Variants in PDZRN3 observed in about 807,000 individuals in gnomAD.
PDZRN3 encodes the protein PDZ domain containing ring finger 3.
In PDZRN3, 38 loss-of-function variants were observed where a neutral mutation model predicts 85.7. The observed-to-expected ratio is 0.44, with a 90% confidence interval of 0.34 to 0.58. The LOEUF is 0.58. Ranked by LOEUF, PDZRN3 falls within the 20% of genes least tolerant of loss-of-function variation. The pLI is 0.01. For synonymous variants in PDZRN3, 759 were observed against 638.0 expected, an observed-to-expected ratio of 1.19 and a Z score of -2.86; for missense variants, 1,629 against 1,506.4, an observed-to-expected ratio of 1.08 and a Z score of -1.35.
chr3:73,476,857 G>C lies in PDZRN3; in HGVS notation c.919-72462C>G, dbSNP rs145661425. Among the ~76,000 whole-genome samples the C allele has an allele frequency of 1.9e-4, 29 of 152,310 alleles. No homozygotes were observed. In the East Asian group the frequency reaches 2.9e-3, roughly 15 times the overall value. On this transcript the variant is annotated intron_variant, in intron 3 of 9. Transcript: ENST00000263666. Reference sequence around the variant, plus strand: ...CCCTCAGCTGAGCCTTCAGATGACTGCAGTACCAGTAGACAGCTTGACTGC... The same window carrying C: ...CCCTCAGCTGAGCCTTCAGATGACTCCAGTACCAGTAGACAGCTTGACTGC...
In PDZRN3 at chr3:73,624,787, G is replaced by T; in HGVS notation, c.39C>A (p.Asp13Glu). 3 of 1,408,568 alleles carry T rather than the reference G, an allele frequency of 2.1e-6. No individual in the cohort carries two copies. Among genetic ancestry groups the T allele is most frequent in the Non-Finnish European group, 2.8e-6 (3 of 1,084,064 alleles). The allele number at this position is 1,408,568 out of a possible 1,614,324, so 87.3% of individuals were successfully genotyped here. The change falls in exon 1 of 10, where the codon GAC becomes GAA. Residue 13 changes from aspartate to glutamate, a missense_variant. Asp to Glu is a conservative substitution (Grantham distance 45). Coordinates refer to ENST00000263666, the MANE Select transcript of PDZRN3 (RefSeq NM_015009.3). Reference protein sequence around the residue: ...FELDRFDGDVDPDLKCALCHK... With the variant: ...FELDRFDGDVEPDLKCALCHK... Reference sequence around the variant, plus strand: ...GGCACAGCGCGCACTTCAGGTCCGGGTCCACGTCGCCGTCGAAGCGGTCCA... The same window carrying T: ...GGCACAGCGCGCACTTCAGGTCCGGTTCCACGTCGCCGTCGAAGCGGTCCA...
Position 73,447,602 on chromosome 3 carries a change from C to T in PDZRN3, c.919-43207G>A, listed in dbSNP as rs773014987. 3.3e-5 allele frequency among the ~76,000 whole-genome samples: 5 copies of T among 152,292 alleles called. No homozygotes were observed. The East Asian group carries it at 5.8e-4, about 18-fold the overall frequency. On this transcript the variant is annotated intron_variant, in intron 3 of 9. Coordinates refer to ENST00000263666, the MANE Select transcript of PDZRN3 (RefSeq NM_015009.3). ...GGGGTCATAATGACCTCCCAATTGCCGCAACCAAGAGCTTGTTGTAAGTCC... is the reference window on the plus strand; with the variant it reads ...GGGGTCATAATGACCTCCCAATTGCTGCAACCAAGAGCTTGTTGTAAGTCC...
At chr3:73,508,621 A>C (rs1704110254) in intron 3 of PDZRN3, among the ~76,000 whole-genome samples, 1 of 152,176 alleles carries the variant, frequency 6.6e-6, no homozygotes, top group African/African-American at 2.4e-5. Flanking sequence ...AGGAAGCCTT[A>C]ATTTCCAACC....
intron 3 of PDZRN3, among the ~76,000 whole-genome samples, chr3:73,456,354 C>T (rs1321103647): frequency 6.6e-6 from 1 of 152,164 alleles, no homozygotes; most frequent in African/African-American, 2.4e-5. Context: ...TTCATTTTAG[C>T]CTTGCTCATC....
chr3:73,444,321 T>A (rs1421938443), intron 3 of PDZRN3, among the ~76,000 whole-genome samples: 1 of 152,190 alleles, frequency 6.6e-6, no homozygotes, highest in Non-Finnish European at 1.5e-5. Context: ...TTTGCTGCCA[T>A]CTGCACTGTG....
intron 3 of PDZRN3, among the ~76,000 whole-genome samples, chr3:73,585,509 C>G (rs781763147): frequency 4.6e-5 from 7 of 152,170 alleles, no homozygotes; most frequent in Non-Finnish European, 8.8e-5. Context: ...GAAGACCTTT[C>G]TCAAGGCCTT....
chr3:73,600,329 A>ACTCTCTCT (rs1702495983), intron 3 of PDZRN3, among the ~76,000 whole-genome samples: 1 of 96,388 alleles, frequency 1.0e-5, no homozygotes, highest in African/African-American at 4.5e-5. Context: ...ACACACACAC[A>ACTCTCTCT]CACACACACT....
chr3:73,404,445 G>A (rs771019896), intron 3 of PDZRN3, 50 bp from the exon 4 acceptor site: 5 of 1,560,742 alleles, frequency 3.2e-6, no homozygotes, highest in East Asian at 2.3e-5. Flanking sequence ...AGCAGAAAAC[G>A]GAAGGACAAA....
chr3:73,514,337 G>T (rs1380309900), intron 3 of PDZRN3, among the ~76,000 whole-genome samples: 1 of 152,164 alleles, frequency 6.6e-6, no homozygotes, highest in Admixed American at 6.5e-5. Flanking sequence ...TACGCAAATG[G>T]ACTATAATGT....
At position 73,384,563 on chromosome 3, in the gene PDZRN3, C is replaced by A; in HGVS notation, c.2003G>T (p.Ser668Ile). The A allele has an allele frequency of 6.2e-7, 1 of 1,613,682 alleles. No homozygotes were observed. The highest frequency in any genetic ancestry group is 8.5e-7 in the Non-Finnish European group (1 of 1,180,030). Residue 668 changes from serine to isoleucine, a missense_variant, in exon 10 of 10, where the codon AGC becomes ATC. Ser to Ile is a moderately radical substitution (Grantham distance 142, BLOSUM62 -2). Transcript: ENST00000263666. ...ACTCTTGCCGGCGTCCAGGGGGCCG[C>A]TAGGGTAGTACAGGCCGTAAGGGGT... The part of the protein sequence containing the change: ...SATPYGLYYP[S>I]GPLDAGKSDP...
intron 6 of PDZRN3, among the ~76,000 whole-genome samples, 180 bp from the exon 7 acceptor site, chr3:73,390,058 G>A (rs1701488438): frequency 6.6e-6 from 1 of 152,148 alleles, no homozygotes; most frequent in African/African-American, 2.4e-5. Context: ...CTGCTTCTAA[G>A]CCCTTTCTAG....
At chr3:73,530,867 T>A (rs1704636714) in intron 3 of PDZRN3, among the ~76,000 whole-genome samples, 1 of 152,228 alleles carries the variant, frequency 6.6e-6, no homozygotes. Context: ...TAGCAGGTTA[T>A]GAAGATCAGA....
At chr3:73,508,691 T>G (rs2106701659) in intron 3 of PDZRN3, among the ~76,000 whole-genome samples, 1 of 152,342 alleles carries the variant, frequency 6.6e-6, no homozygotes, top group East Asian at 1.9e-4. Flanking sequence ...TAACTATAAA[T>G]GTAAACAGGG....
chr3:73,533,611 T>C (rs570122065), intron 3 of PDZRN3, among the ~76,000 whole-genome samples: 3 of 152,114 alleles, frequency 2.0e-5, no homozygotes, highest in South Asian at 4.1e-4. Flanking sequence ...GTATCCCATA[T>C]AAGAAACAGA....
rs113365437 is a variant in PDZRN3 at position 73,597,255 on chromosome 3, A to T, written c.918+5099T>A. Reference sequence around the variant, plus strand: ...GTAGCCTGGCTCTGGGAGGGAAAGCATTGCTAATCCTTTCTAGCTGACCCT... The same window carrying T: ...GTAGCCTGGCTCTGGGAGGGAAAGCTTTGCTAATCCTTTCTAGCTGACCCT... On this transcript the variant is annotated intron_variant, in intron 3 of 9. Transcript: ENST00000263666. Among the ~76,000 whole-genome samples the T allele has an allele frequency of 8.0e-3, 1,217 of 152,268 alleles. 8 individuals are homozygous for T. Among genetic ancestry groups the T allele is most frequent in the Non-Finnish European group, 0.014 (933 of 68,024 alleles).
chr3:73,595,416 T>C (rs1382529053), intron 3 of PDZRN3, among the ~76,000 whole-genome samples: 4 of 152,182 alleles, frequency 2.6e-5, no homozygotes, highest in African/African-American at 7.2e-5. Context: ...GAGAGGAGTA[T>C]AGCCTCATGT....
chr3:73,547,879 C>A (rs1464889109), intron 3 of PDZRN3, among the ~76,000 whole-genome samples: 1 of 152,098 alleles, frequency 6.6e-6, no homozygotes, highest in Admixed American at 6.6e-5. Context: ...AAGAATGAAG[C>A]GGGGGAGGGT....
intron 3 of PDZRN3, among the ~76,000 whole-genome samples, chr3:73,440,559 C>T (rs560474357): frequency 3.9e-5 from 6 of 152,344 alleles, no homozygotes; most frequent in Non-Finnish European, 8.8e-5. Context: ...GGTCCCAGAA[C>T]ACACTGTGTT....
intron 3 of PDZRN3, among the ~76,000 whole-genome samples, chr3:73,522,658 A>T (rs1001377722): frequency 1.3e-5 from 2 of 152,164 alleles, no homozygotes; most frequent in Admixed American, 1.3e-4. Context: ...TTTTTGGAGG[A>T]ATATTTCACT....
Sources: allele counts gnomAD v4.1 joint callset (sites outside exome capture counted in the v4.1 genomes callset), GRCh38; gene constraint gnomAD v4.1.1; transcripts MANE v1.5; gene names NCBI Gene and HGNC (gene_info 2026-07-23, HGNC 2026-07-21).